The following CD247 variants were observed in gnomAD, a reference collection of about 807,000 sequenced individuals.
The protein encoded by CD247 is T-cell surface glycoprotein CD3 zeta chain.
CD247 carries 13 observed loss-of-function variants against 30.0 expected under a neutral mutation model. The ratio of observed to expected loss-of-function variants is 0.43; its 90% CI spans 0.28 to 0.69. CD247 has a LOEUF of 0.69. Ranked by LOEUF, CD247 falls within the 30% of genes least tolerant of loss-of-function variation. The probability of loss-of-function intolerance (pLI) is 0.16; values close to 1 mark genes in which losing one functional copy is unlikely to be tolerated. For missense variants in CD247, 193 were observed against 212.6 expected (o/e 0.91, Z 0.57); for synonymous variants, 72 against 80.0 (o/e 0.90, Z 0.53).
At chr1:167,482,779 A>G (rs1337025557) in intron 1 of CD247, among the ~76,000 whole-genome samples, 1 of 152,088 alleles carries the variant, frequency 6.6e-6, no homozygotes. Flanking sequence ...GTACCCTGGG[A>G]AGGGAAGATG....
intron 4 of CD247, among the ~76,000 whole-genome samples, chr1:167,436,802 G>A (rs566157113): frequency 1.2e-4 from 18 of 152,092 alleles, no homozygotes; most frequent in South Asian, 4.2e-4. Context: ...GTTAGGGTGC[G>A]CATTACCAAA....
chr1:167,467,597 G>A (rs1336702041), intron 1 of CD247, among the ~76,000 whole-genome samples: 1 of 152,154 alleles, frequency 6.6e-6, no homozygotes, highest in East Asian at 1.9e-4. Flanking sequence ...CTAAGCGTTG[G>A]GGGCTGGCTG....
intron 1 of CD247, among the ~76,000 whole-genome samples, chr1:167,505,230 A>G (rs1408313488): frequency 1.3e-5 from 2 of 152,104 alleles, no homozygotes; most frequent in East Asian, 1.9e-4. Context: ...TCCTGGGCTC[A>G]AGCAATCCTC....
chr1:167,476,434 A>C (rs1653750310), intron 1 of CD247, among the ~76,000 whole-genome samples: 1 of 152,222 alleles, frequency 6.6e-6, no homozygotes. Flanking sequence ...ATAAAATAGG[A>C]CCAATGATTC....
At chr1:167,479,027 TG>T (rs1408631166) in intron 1 of CD247, among the ~76,000 whole-genome samples, 1 of 152,248 alleles carries the variant, frequency 6.6e-6, no homozygotes, top group Non-Finnish European at 1.5e-5. Flanking sequence ...ATTTTTATTT[TG>T]CTCTCTATTT....
intron 1 of CD247, among the ~76,000 whole-genome samples, chr1:167,484,097 A>G (rs16859085): frequency 0.17 from 25,987 of 152,240 alleles, 2,503 homozygotes; most frequent in Admixed American, 0.29. Context: ...AGAGTGGAGA[A>G]TACAAAATCG....
At chr1:167,467,799 C>A (rs1293423494) in intron 1 of CD247, among the ~76,000 whole-genome samples, 1 of 152,148 alleles carries the variant, frequency 6.6e-6, no homozygotes, top group Non-Finnish European at 1.5e-5. Context: ...TCCGTCTGGT[C>A]GGTTTAATAA....
chr1:167,434,128 GC>G, intron 5 of CD247, 52 bp from the exon 6 acceptor site: 1 of 1,542,182 alleles, frequency 6.5e-7, no homozygotes, highest in Non-Finnish European at 9.0e-7. Context: ...GCAGAAAGCA[GC>G]AGGTTCCCCT....
Position 167,512,543 on chromosome 1 carries a change from G to C in CD247, c.58+5865C>G, listed in dbSNP as rs145132427. ...ACAGATGCTAAAACTAAAGCCTAGA[G>C]AGAAATTTCTGCCCAAGTATACACT... On this transcript the variant is annotated intron_variant, in intron 1 of 7. Coordinates refer to ENST00000362089, the MANE Select transcript of CD247 (RefSeq NM_198053.3). Among the ~76,000 whole-genome samples, 99 of 152,304 alleles carry C rather than the reference G, an allele frequency of 6.5e-4. 1 individual carries two copies. The East Asian group carries it at 0.018, about 28-fold the overall frequency.
intron 1 of CD247, among the ~76,000 whole-genome samples, chr1:167,465,561 C>T (rs1653208565): frequency 6.6e-6 from 1 of 151,560 alleles, no homozygotes; most frequent in South Asian, 2.1e-4. Flanking sequence ...GAACTCCTGA[C>T]CTCAGGTGAT....
intron 1 of CD247, among the ~76,000 whole-genome samples, chr1:167,501,722 G>A (rs1266476940): frequency 2.0e-5 from 3 of 152,328 alleles, no homozygotes; most frequent in Non-Finnish European, 4.4e-5. Context: ...AAACACAACT[G>A]TGTTTGTTCT....
intron 1 of CD247, among the ~76,000 whole-genome samples, chr1:167,514,902 G>T (rs1375861526): frequency 6.6e-6 from 1 of 152,098 alleles, no homozygotes; most frequent in Admixed American, 6.6e-5. Context: ...GGTAACTTTT[G>T]ACTGGAAAAG....
chr1:167,451,845 G>A (rs139651505), intron 1 of CD247, among the ~76,000 whole-genome samples: 4 of 152,340 alleles, frequency 2.6e-5, no homozygotes, highest in African/African-American at 9.6e-5. Context: ...GGTGGCTCAC[G>A]CCTGTAATCC....
At chr1:167,465,494 AT>A (rs1207703756) in intron 1 of CD247, among the ~76,000 whole-genome samples, 1 of 151,230 alleles carries the variant, frequency 6.6e-6, no homozygotes, top group East Asian at 1.9e-4. Context: ...TGCCTGGCTA[AT>A]TTTTTTTGTA....
At chr1:167,473,230 T>C (rs1311824488) in intron 1 of CD247, among the ~76,000 whole-genome samples, 1 of 152,166 alleles carries the variant, frequency 6.6e-6, no homozygotes, top group Non-Finnish European at 1.5e-5. Flanking sequence ...TTCTCTGACC[T>C]GAGATAGCCA....
rs899916672 is a variant in CD247, at chr1:167,435,570, C to A, written c.301-136G>T. On this transcript the variant is annotated intron_variant, in intron 4 of 7. Coordinates refer to ENST00000362089, the MANE Select transcript of CD247 (RefSeq NM_198053.3). ...TCTGCCTCTCTCCTCCCTGTGCTAC[C>A]CCAGCCTTGCCTAGGCCACTGTTGG... 5.4e-5 allele frequency: 41 copies of A among 753,734 alleles called. 2 individuals are homozygous for A. The South Asian group carries it at 5.5e-4, about 10-fold the overall frequency. 46.7% of individuals were successfully genotyped at this position (753,734 alleles called of 1,614,324 possible). A position where few individuals can be genotyped will look rare whatever the true frequency, so the allele number is the denominator to read the frequency against.
In CD247 at chr1:167,498,964, A is replaced by C. The variant is rs115480351; in HGVS notation, c.58+19444T>G. ...ATGCGCACACGGGGCTCCTGAGGAC[A>C]TCATTTCAGCTTGTGTCAGGAAAGT... On this transcript the variant is annotated intron_variant, in intron 1 of 7. Transcript: ENST00000362089. Among the ~76,000 whole-genome samples, 3 of 152,334 alleles carry C rather than the reference A, an allele frequency of 2.0e-5. No individual in the cohort carries two copies. In the East Asian group the frequency reaches 5.8e-4, roughly 29 times the overall value.
In CD247 at chr1:167,431,617, A is replaced by G; in HGVS notation, c.*64T>C. ...GAGTGAACCGGGTTGTAAATGCTTC[A>G]TCCTGTGTCTCATAATCTGGGCGTC... On this transcript the variant is annotated 3_prime_UTR_variant, in exon 8 of 8. Transcript: ENST00000362089. The G allele has an allele frequency of 7.6e-7, 1 of 1,314,462 alleles. No homozygotes were observed. Among genetic ancestry groups the G allele is most frequent in the Non-Finnish European group, 1.1e-6 (1 of 906,226 alleles). The allele number at this position is 1,314,462 out of a possible 1,614,324, so 81.4% of individuals were successfully genotyped here. A position where few individuals can be genotyped will look rare whatever the true frequency, so the allele number is the denominator to read the frequency against.
At chr1:167,492,175 T>C (rs1654483036) in intron 1 of CD247, among the ~76,000 whole-genome samples, 1 of 152,168 alleles carries the variant, frequency 6.6e-6, no homozygotes, top group African/African-American at 2.4e-5. Flanking sequence ...ACAAAAAACC[T>C]GGAGGAAAAA....
Sources: gnomAD v4.1 joint callset for allele counts (sites outside exome capture counted in the v4.1 genomes callset) on GRCh38, gnomAD v4.1.1 for gene constraint, MANE v1.5 for transcripts, NCBI Gene and HGNC (gene_info 2026-07-23, HGNC 2026-07-21) for gene names.